SFI1: variants seen among roughly 807,000 people sequenced by gnomAD.
SFI1 encodes SFI1 centrin binding protein, also known as protein SFI1 homolog.
SFI1 carries 195 observed loss-of-function variants against 207.5 expected under a neutral mutation model. The ratio of observed to expected loss-of-function variants is 0.94; its 90% confidence interval spans 0.84 to 1.06. SFI1 has a LOEUF of 1.06. Ranked by LOEUF, SFI1 falls within the 50% of genes least tolerant of loss-of-function variation. The probability of loss-of-function intolerance (pLI) is 0.00; values close to 1 mark genes in which losing one functional copy is unlikely to be tolerated. For synonymous variants in SFI1, 630 were observed against 598.9 expected (o/e 1.05, Z -0.76); for missense variants, 1,634 against 1,588.0 (o/e 1.03, Z -0.49).
At chr22:31,583,800 A>T in intron 12 of SFI1, 75 bp from the exon 13 acceptor site, 1 of 1,309,010 alleles carries the variant, frequency 7.6e-7, no homozygotes, top group Non-Finnish European at 1.1e-6. Context: ...GGGAGCTCAC[A>T]GTCTGTTGGA....
chr22:31,557,141 C>T, intron 7 of SFI1, 82 bp downstream of exon 7: 2 of 819,932 alleles, frequency 2.4e-6, no homozygotes, highest in East Asian at 2.6e-5. Flanking sequence ...CAGCATAAAA[C>T]CTCACCTTAA....
At chr22:31,612,398 A>AAAAATATAT (rs1556369798) in intron 24 of SFI1, 1 of 60,194 alleles carries the variant, frequency 1.7e-5, no homozygotes, top group African/African-American at 6.7e-5. Flanking sequence ...AAAAAAAAAA[A>AAAAATATAT]ATATATATAT....
chr22:31,539,863 G>A (rs1270480419), intron 4 of SFI1, among the ~76,000 whole-genome samples: 6 of 151,954 alleles, frequency 3.9e-5, no homozygotes, highest in Admixed American at 3.3e-4. Flanking sequence ...TTACAGGCAT[G>A]CACCACCACG....
chr22:31,516,810 C>T (rs944071174), intron 2 of SFI1, among the ~76,000 whole-genome samples: 5 of 151,730 alleles, frequency 3.3e-5, no homozygotes, highest in Admixed American at 6.6e-5. Flanking sequence ...CAAAATTTGC[C>T]GGGCATGGTG....
chr22:31,514,924 A>G (rs970890385), intron 2 of SFI1, among the ~76,000 whole-genome samples: 2 of 152,028 alleles, frequency 1.3e-5, no homozygotes. Flanking sequence ...GGCGTGTGCC[A>G]CCATGCCCAG....
At chr22:31,608,533 G>GGAGA (rs2069471597) in intron 22 of SFI1, among the ~76,000 whole-genome samples, 36 of 152,176 alleles carry the variant, frequency 2.4e-4, no homozygotes, top group Admixed American at 2.4e-3. Context: ...CATGAATACG[G>GGAGA]CAGGTGTGGA....
In SFI1 at chr22:31,616,885, C is replaced by T. The variant is rs759143669; in HGVS notation, c.3433+8C>T. The stretch of plus-strand genomic sequence containing the variant: ...CTGGACTTTCAACTGCAGGTGTGTA[C>T]CTGGGGCCTGTCAGGGCAGAAAGCA... On this transcript the variant is annotated splice_region_variant and intron_variant, in intron 30 of 32. Transcript: ENST00000400288. 1 of 1,609,110 alleles carries T rather than the reference C, an allele frequency of 6.2e-7. No homozygotes were observed. The highest frequency in any genetic ancestry group is 8.5e-7 in the Non-Finnish European group (1 of 1,177,466).
At chr22:31,555,026 A>T (rs960921094) in intron 6 of SFI1, among the ~76,000 whole-genome samples, 1 of 152,274 alleles carries the variant, frequency 6.6e-6, no homozygotes, top group South Asian at 2.1e-4. Context: ...AGAGAACAAG[A>T]CTTAGTATGA....
At chr22:31,500,108 C>G (rs1320558525) in intron 1 of SFI1, among the ~76,000 whole-genome samples, 1 of 150,898 alleles carries the variant, frequency 6.6e-6, no homozygotes, top group Non-Finnish European at 1.5e-5. Context: ...CACTTGAGGT[C>G]AGTAGTTCAA....
intron 12 of SFI1, among the ~76,000 whole-genome samples, chr22:31,581,912 A>G (rs774964293): frequency 1.3e-5 from 2 of 152,028 alleles, no homozygotes; most frequent in African/African-American, 2.4e-5. Context: ...TAAATATTTC[A>G]GCATGCGTCA....
intron 4 of SFI1, among the ~76,000 whole-genome samples, chr22:31,545,081 G>T (rs78926500): frequency 2.2e-3 from 337 of 152,134 alleles, no homozygotes; most frequent in African/African-American, 7.5e-3. Flanking sequence ...AAAAATTTAG[G>T]GGGGGCTGGA....
intron 8 of SFI1, among the ~76,000 whole-genome samples, chr22:31,572,170 T>C (rs567821724): frequency 6.6e-6 from 1 of 152,182 alleles, no homozygotes; most frequent in East Asian, 1.9e-4. Flanking sequence ...AAATTTCCTT[T>C]TGATTGCTTT....
At chr22:31,606,646 C>A in intron 21 of SFI1, 1 of 413,608 alleles carries the variant, frequency 2.4e-6, no homozygotes, top group Non-Finnish European at 4.4e-6. Flanking sequence ...AAACATAACA[C>A]ATCATAAGTG....
At chr22:31,514,524 A>AT (rs1569184965) in intron 2 of SFI1, among the ~76,000 whole-genome samples, 3 of 150,470 alleles carry the variant, frequency 2.0e-5, no homozygotes, top group East Asian at 2.0e-4. Context: ...AAAAAAAAAA[A>AT]AAAAAAATCA....
chr22:31,603,981 T>G (rs560057402), intron 18 of SFI1, among the ~76,000 whole-genome samples, 162 bp downstream of exon 18: 1 of 152,312 alleles, frequency 6.6e-6, no homozygotes, highest in Admixed American at 6.5e-5. Context: ...ATGAGCTGAT[T>G]TGGCTCAAAA....
intron 12 of SFI1, 146 bp from the exon 13 acceptor site, chr22:31,583,729 T>C (rs1603209230): frequency 1.4e-6 from 1 of 711,358 alleles, no homozygotes. Flanking sequence ...AGTTGAGCCC[T>C]CATTAATTTG....
chr22:31,521,002 CAAAAAAAA>C (rs57346699), intron 2 of SFI1, among the ~76,000 whole-genome samples: 4 of 47,500 alleles, frequency 8.4e-5, no homozygotes, highest in Non-Finnish European at 1.6e-4. Context: ...GACCCTGTCT[CAAAAAAAA>C]AAAAAAAAAA....
At chr22:31,505,208 G>C (rs2054433552) in intron 1 of SFI1, among the ~76,000 whole-genome samples, 1 of 152,008 alleles carries the variant, frequency 6.6e-6, no homozygotes, top group Non-Finnish European at 1.5e-5. Flanking sequence ...GGAGGCCGAG[G>C]TGGGCAGATC....
chr22:31,498,744 T>G (rs1339817128), intron 1 of SFI1, among the ~76,000 whole-genome samples: 1 of 151,908 alleles, frequency 6.6e-6, no homozygotes, highest in Non-Finnish European at 1.5e-5. Flanking sequence ...AGGAAGTAAC[T>G]GCAGATATGA....
Sources: gnomAD v4.1 joint callset for allele counts (sites outside exome capture counted in the v4.1 genomes callset) on GRCh38, gnomAD v4.1.1 for gene constraint, MANE v1.5 for transcripts, NCBI Gene and HGNC (gene_info 2026-07-23, HGNC 2026-07-21) for gene names.